The following CLMP variants were observed in gnomAD, a reference collection of about 807,000 sequenced individuals.
CLMP encodes the protein CXADR like cell adhesion molecule.
Under a neutral mutation model 45.2 loss-of-function variants are expected in CLMP, and 27 were observed. The observed-to-expected ratio is 0.60, with a 90% confidence interval of 0.44 to 0.82. The LOEUF is 0.82. CLMP is among the 40% of genes least tolerant of loss of function. The pLI is 0.00. For synonymous variants in CLMP, 167 were observed against 171.4 expected, an observed-to-expected ratio of 0.97 and a Z score of 0.20; for missense variants, 403 against 448.4, an observed-to-expected ratio of 0.90 and a Z score of 0.91.
At chr11:123,175,737 TC>T (rs1438869595) in intron 1 of CLMP, among the ~76,000 whole-genome samples, 4 of 152,224 alleles carry the variant, frequency 2.6e-5, no homozygotes, top group African/African-American at 7.2e-5. Context: ...CTTATGAGTC[TC>T]CGTGTCAACT....
intron 1 of CLMP, among the ~76,000 whole-genome samples, chr11:123,189,301 G>A (rs936663379): frequency 2.6e-5 from 4 of 152,200 alleles, no homozygotes; most frequent in Non-Finnish European, 5.9e-5. Flanking sequence ...CTCCTGGTAA[G>A]TGGAAAACAC....
At chr11:123,182,400 C>T (rs1861781349) in intron 1 of CLMP, among the ~76,000 whole-genome samples, 1 of 152,230 alleles carries the variant, frequency 6.6e-6, no homozygotes, top group Non-Finnish European at 1.5e-5. Flanking sequence ...CTGGGTTAGA[C>T]TCTTGCAGCA....
At chr11:123,127,915 TG>T (rs1408005716) in intron 1 of CLMP, among the ~76,000 whole-genome samples, 1 of 151,656 alleles carries the variant, frequency 6.6e-6, no homozygotes, top group Non-Finnish European at 1.5e-5. Context: ...GGTGCAAGCC[TG>T]TAATCCCAGA....
chr11:123,141,814 A>G (rs1039809295), intron 1 of CLMP, among the ~76,000 whole-genome samples: 3 of 152,136 alleles, frequency 2.0e-5, no homozygotes, highest in African/African-American at 7.2e-5. Flanking sequence ...CATCACTTGC[A>G]GTGTGCATAT....
rs34392557 is a variant in CLMP, at chr11:123,102,707, CTT to C, written c.29-4757_29-4756del. On this transcript the variant is annotated intron_variant, in intron 1 of 6. Transcript: ENST00000448775. Reference sequence around the variant, plus strand: ...TCTCCTGCCTCAGCCTCCCGAGTAGCTTTTTTTTTTTTTTTTTTTTTGTATTT... The same window carrying C: ...TCTCCTGCCTCAGCCTCCCGAGTAGCTTTTTTTTTTTTTTTTTTTGTATTT... Among the ~76,000 whole-genome samples the C allele has an allele frequency of 3.8e-3, 351 of 93,262 alleles. 1 individual carries two copies. The highest frequency in any genetic ancestry group is 0.01 in the Admixed American group (82 of 8,080). 61.2% of individuals were successfully genotyped at this position (93,262 alleles called of 152,430 possible).
chr11:123,193,302 G>T (rs1344430065), intron 1 of CLMP, among the ~76,000 whole-genome samples: 2 of 152,234 alleles, frequency 1.3e-5, no homozygotes, highest in Non-Finnish European at 2.9e-5. Flanking sequence ...GCAGCCAATA[G>T]GCTTGTTGTG....
chr11:123,076,597 TTATC>T (rs1355956925), intron 5 of CLMP, among the ~76,000 whole-genome samples: 1 of 152,100 alleles, frequency 6.6e-6, no homozygotes, highest in African/African-American at 2.4e-5. Flanking sequence ...GATCTTGTGA[TTATC>T]TAGGAACAGA....
At chr11:123,190,049 TA>T in intron 1 of CLMP, among the ~76,000 whole-genome samples, 1 of 151,870 alleles carries the variant, frequency 6.6e-6, no homozygotes. Context: ...CAAATAGTTT[TA>T]TACCGTAGCC....
At chr11:123,122,639 G>T (rs958290261) in intron 1 of CLMP, among the ~76,000 whole-genome samples, 5 of 152,144 alleles carry the variant, frequency 3.3e-5, no homozygotes, top group African/African-American at 1.2e-4. Context: ...CTTATCCCGA[G>T]AACCTTATCT....
chr11:123,124,161 CT>C (rs1205042043), intron 1 of CLMP, among the ~76,000 whole-genome samples: 4 of 152,080 alleles, frequency 2.6e-5, no homozygotes, highest in African/African-American at 7.2e-5. Flanking sequence ...CAAGTGTCCG[CT>C]TTTATCTATA....
chr11:123,111,941 G>A (rs1360320785), intron 1 of CLMP, among the ~76,000 whole-genome samples: 5 of 151,998 alleles, frequency 3.3e-5, no homozygotes, highest in African/African-American at 9.7e-5. Context: ...TTTTAGAGAC[G>A]GTATTTCACC....
intron 1 of CLMP, among the ~76,000 whole-genome samples, chr11:123,171,426 T>TC (rs1483121437): frequency 1.6e-4 from 21 of 133,008 alleles, no homozygotes; most frequent in Admixed American, 1.5e-3. Flanking sequence ...TAAGATTTTT[T>TC]TTTTTCTTTT....
intron 1 of CLMP, among the ~76,000 whole-genome samples, chr11:123,166,880 A>G (rs1727354738): frequency 6.6e-6 from 1 of 152,202 alleles, no homozygotes; most frequent in Non-Finnish European, 1.5e-5. Flanking sequence ...GCATCGAAAC[A>G]TCTCATTGCA....
intron 1 of CLMP, among the ~76,000 whole-genome samples, chr11:123,104,375 C>T (rs892108233): frequency 1.3e-5 from 2 of 150,102 alleles, no homozygotes; most frequent in African/African-American, 4.9e-5. Flanking sequence ...CCACCGCGCC[C>T]GGTCCTGGGT....
intron 1 of CLMP, chr11:123,193,002 T>C (rs1420248760): frequency 6.6e-6 from 1 of 152,218 alleles, no homozygotes; most frequent in Non-Finnish European, 1.5e-5. Context: ...TTTTTTCCCT[T>C]TCCCAGACCT....
intron 1 of CLMP, among the ~76,000 whole-genome samples, chr11:123,127,730 A>G (rs1860917631): frequency 6.6e-6 from 1 of 152,040 alleles, no homozygotes; most frequent in Non-Finnish European, 1.5e-5. Context: ...AAATCAAACC[A>G]AGTAGTAGAT....
Position 123,183,046 on chromosome 11 carries a change from T to C in CLMP, c.28+11867A>G, listed in dbSNP as rs144686511. Among the ~76,000 whole-genome samples the C allele has an allele frequency of 2.6e-5, 4 of 152,346 alleles. No individual in the cohort carries two copies. The East Asian group carries it at 7.7e-4, about 29-fold the overall frequency. ...CAGATGATTCAGGTATGAATCTTCA[T>C]TTCCATAACTTCTGTCAAATGTGCC... On this transcript the variant is annotated intron_variant, in intron 1 of 6. Coordinates refer to ENST00000448775, the MANE Select transcript of CLMP (RefSeq NM_024769.5).
chr11:123,083,547 T>G lies in CLMP; in HGVS notation c.556+133A>C, dbSNP rs1056304418. ...AGATTTTCTGTTCTAGTTAATGGAT[T>G]TTAAAAATGGCAGTTCAGGAGGTTC... On this transcript the variant is annotated intron_variant, in intron 4 of 6. Coordinates refer to ENST00000448775, the MANE Select transcript of CLMP (RefSeq NM_024769.5). 5 of 876,676 alleles carry G rather than the reference T, an allele frequency of 5.7e-6. No individual in the cohort carries two copies. The African/African-American group carries it at 8.4e-5, about 15-fold the overall frequency. 54.3% of individuals were successfully genotyped at this position (876,676 alleles called of 1,614,324 possible). A position where few individuals can be genotyped will look rare whatever the true frequency, so the allele number is the denominator to read the frequency against.
At chr11:123,150,414 G>GGAAAGAAAGAAAGAAAGAAA (rs1565397262) in intron 1 of CLMP, among the ~76,000 whole-genome samples, 3 of 55,174 alleles carry the variant, frequency 5.4e-5, no homozygotes, top group African/African-American at 2.1e-4. Flanking sequence ...AAGGAAGGAA[G>GGAAAGAAAGAAAGAAAGAAA]GTAAGAAAGA....
Sources: gnomAD v4.1 joint callset for allele counts (sites outside exome capture counted in the v4.1 genomes callset) on GRCh38, gnomAD v4.1.1 for gene constraint, MANE v1.5 for transcripts, NCBI Gene and HGNC (gene_info 2026-07-23, HGNC 2026-07-21) for gene names.